Variants in PLK5 observed in about 807,000 individuals in gnomAD.
PLK5 encodes inactive serine/threonine-protein kinase PLK5.
PLK5 carries 28 observed loss-of-function variants against 33.7 expected under a neutral mutation model. The observed-to-expected ratio is 0.83, with a 90% confidence interval of 0.62 to 1.14. PLK5 has a LOEUF of 1.14. PLK5 is among the 50% of genes most tolerant of loss of function. The probability of loss-of-function intolerance (pLI) is 0.00; values close to 1 mark genes in which losing one functional copy is unlikely to be tolerated. For synonymous variants in PLK5, 225 were observed against 202.2 expected, an observed-to-expected ratio of 1.11 and a Z score of -0.96; for missense variants, 492 against 461.5, an observed-to-expected ratio of 1.07 and a Z score of -0.61.
In PLK5 at chr19:1,531,722, C is replaced by G; in HGVS notation, c.569-16C>G. ...ACCCCTGACCCCTGGCTCAGCATAC[C>G]TTTGTTTGTGCCCAGCCACACAGGA... On this transcript the variant is annotated splice_polypyrimidine_tract_variant and intron_variant, in intron 11 of 13. Transcript: ENST00000454744. The G allele has an allele frequency of 1.3e-6, 2 of 1,536,716 alleles. No homozygotes were observed. The highest frequency in any genetic ancestry group is 1.7e-6 in the Non-Finnish European group (2 of 1,147,234).
At position 1,533,917 on chromosome 19, in the gene PLK5, G is replaced by A. The variant is rs933526859; in HGVS notation, c.715-14G>A. On this transcript the variant is annotated splice_polypyrimidine_tract_variant and intron_variant, in intron 12 of 13. Coordinates refer to ENST00000454744, the MANE Select transcript of PLK5 (RefSeq NM_001243079.2). Reference sequence around the variant, plus strand: ...CCCCCTGCGTCACGTGACCTCAGCCGAGTCTGTCCACAGGAGGGGACCCTC... The same window carrying A: ...CCCCCTGCGTCACGTGACCTCAGCCAAGTCTGTCCACAGGAGGGGACCCTC... 10 of 1,526,310 alleles carry A rather than the reference G, an allele frequency of 6.6e-6. No homozygotes were observed. The highest frequency in any genetic ancestry group is 2.5e-5 in the East Asian group (1 of 40,804). The allele number at this position is 1,526,310 out of a possible 1,614,324, so 94.5% of individuals were successfully genotyped here.
chr19:1,529,567 TG>T, intron 10 of PLK5, 77 bp downstream of exon 10: 1 of 1,468,836 alleles, frequency 6.8e-7, no homozygotes, highest in Non-Finnish European at 9.2e-7. Flanking sequence ...ACCAAGGCCG[TG>T]GCTTACCAGG....
chr19:1,526,277 G>A (rs75680869), intron 3 of PLK5, among the ~76,000 whole-genome samples: 1,634 of 150,446 alleles, frequency 0.011, 41 homozygotes, highest in African/African-American at 0.038. Flanking sequence ...GGCCGGGGCC[G>A]GGCAGCTGTG....
rs114274812 is a variant in PLK5 at position 1,526,882 on chromosome 19, C to T, written c.-94-21C>T. The T allele has an allele frequency of 1.5e-3, 1,983 of 1,297,288 alleles. 21 individuals are homozygous for T. The African/African-American group carries it at 0.026, about 17-fold the overall frequency. The allele number at this position is 1,297,288 out of a possible 1,614,324, so 80.4% of individuals were successfully genotyped here. ...CACGGGGATCCCAGCCTTCCTGAGC[C>T]CCCCATGACGCCCTTCCTAGAGTAC... On this transcript the variant is annotated intron_variant, in intron 5 of 13. Coordinates refer to ENST00000454744, the MANE Select transcript of PLK5 (RefSeq NM_001243079.2).
chr19:1,528,160 T>TCCCTGGCGTGGGGC, intron 7 of PLK5, 26 bp downstream of exon 7: 1 of 1,522,836 alleles, frequency 6.6e-7, no homozygotes, highest in Non-Finnish European at 8.8e-7. Flanking sequence ...CGGCGTGGGG[T>TCCCTGGCGTGGGGC]CCCTGGCGTG....
intron 11 of PLK5, 48 bp from the exon 12 acceptor site, chr19:1,531,690 A>G (rs1008435560): frequency 2.5e-5 from 38 of 1,526,526 alleles, no homozygotes; most frequent in Non-Finnish European, 3.2e-5. Context: ...TGCCTACTAT[A>G]TGCCTGACCC....
At chr19:1,534,836 G>C (rs1040725011) in intron 13 of PLK5, among the ~76,000 whole-genome samples, 1 of 151,350 alleles carries the variant, frequency 6.6e-6, no homozygotes, top group East Asian at 1.9e-4. Context: ...AAAAGTCAGG[G>C]TCTTGCTGGA....
chr19:1,531,909 G>A, intron 12 of PLK5, 26 bp downstream of exon 12: 1 of 1,435,812 alleles, frequency 7.0e-7, no homozygotes, highest in Non-Finnish European at 9.1e-7. Flanking sequence ...CTGTGCCCTG[G>A]GGGACCAGGC....
rs758992985 is a variant in PLK5 at position 1,528,990 on chromosome 19, G to A, written c.405+16G>A. On this transcript the variant is annotated intron_variant, in intron 9 of 13. Transcript: ENST00000454744. ...GGACGGCGAGGTGAGACATCGGGGT[G>A]GGGGACACGGGGAGACACAGGTGGA... is the stretch of plus-strand genomic sequence containing the variant. 6.7e-7 allele frequency: 1 copy of A among 1,485,510 alleles called. No individual in the cohort carries two copies. The highest frequency in any genetic ancestry group is 8.9e-7 in the Non-Finnish European group (1 of 1,123,070). 92.0% of individuals were successfully genotyped at this position (1,485,510 alleles called of 1,614,324 possible). A position where few individuals can be genotyped will look rare whatever the true frequency, so the allele number is the denominator to read the frequency against.
Position 1,528,515 on chromosome 19 carries a change from TGCCCACAC to T in PLK5, c.328+88_328+95del. On this transcript the variant is annotated intron_variant, in intron 8 of 13. Transcript: ENST00000454744. ...CTCCCACCTGCCCACGCCTCCCACC[TGCCCACAC>T]CTCCCACCTGCCCACGCCTCCCACC... is the stretch of plus-strand genomic sequence containing the variant. The T allele has an allele frequency of 8.1e-6, 6 of 738,380 alleles. 2 individuals carry two copies. Among genetic ancestry groups the T allele is most frequent in the Admixed American group, 5.9e-5 (1 of 17,028 alleles). The allele number at this position is 738,380 out of a possible 1,614,324, so 45.7% of individuals were successfully genotyped here.
Position 1,533,690 on chromosome 19 carries a change from A to C in PLK5, c.715-241A>C, listed in dbSNP as rs1913998498. The C allele has an allele frequency of 8.4e-6, 5 of 592,342 alleles. No individual in the cohort carries two copies. The South Asian group carries it at 1.0e-4, about 12-fold the overall frequency. 36.7% of individuals were successfully genotyped at this position (592,342 alleles called of 1,614,324 possible). On this transcript the variant is annotated intron_variant, in intron 12 of 13. Transcript: ENST00000454744. ...GGGTGTCCACTGGCCTGGGCTGTCC[A>C]GGACAGAGGCCCTGTGTCCTGGCCC...
chr19:1,534,158 A>AGG lies in PLK5; in HGVS notation c.825+117_825+118insGG, dbSNP rs1568255393. ...TTAGGAAGCATTTGCCTCCCAGGAA[A>AGG]AAAAAAAAAAAAAAAGGTATTGGCT... On this transcript the variant is annotated intron_variant, in intron 13 of 13. Transcript: ENST00000454744. 7.5e-4 allele frequency: 338 copies of AGG among 448,716 alleles called. 2 individuals carry two copies. The highest frequency in any genetic ancestry group is 6.5e-3 in the African/African-American group (306 of 47,062). 27.8% of individuals were successfully genotyped at this position (448,716 alleles called of 1,614,324 possible). A position where few individuals can be genotyped will look rare whatever the true frequency, so the allele number is the denominator to read the frequency against.
At chr19:1,532,521 CT>C (rs10545181) in intron 12 of PLK5, among the ~76,000 whole-genome samples, 48,611 of 118,294 alleles carry the variant, frequency 0.41, 9,013 homozygotes, top group East Asian at 0.68. Flanking sequence ...AAATTTTCTT[CT>C]TTTTTTTTTT....
intron 6 of PLK5, 114 bp from the exon 7 acceptor site, chr19:1,527,822 A>G: frequency 9.3e-7 from 1 of 1,073,968 alleles, no homozygotes; most frequent in Non-Finnish European, 1.3e-6. Context: ...TTGGGAGATG[A>G]GGAAGCCGAT....
chr19:1,524,143 A>C lies in PLK5; in HGVS notation c.-647A>C, dbSNP rs1159358649. 1.3e-5 allele frequency: 2 copies of C among 150,538 alleles called. No homozygotes were observed. The highest frequency in any genetic ancestry group is 6.6e-5 in the Admixed American group (1 of 15,122). 9.3% of individuals were successfully genotyped at this position (150,538 alleles called of 1,614,324 possible). A position where few individuals can be genotyped will look rare whatever the true frequency, so the allele number is the denominator to read the frequency against. On this transcript the variant is annotated 5_prime_UTR_variant, in exon 1 of 14. Transcript: ENST00000454744. This position sits in a 1 kb window ranked among gnomAD's most constrained non-coding sequence, Gnocchi z 4.5. ...GGCTGCGCCAGAGTCCGCGCGATGG[A>C]GCCCCGGCCGCGGCGGCGGCGCAGG... is the stretch of plus-strand genomic sequence containing the variant.
At chr19:1,533,890 C>A (rs909269380) in intron 12 of PLK5, 41 bp from the exon 13 acceptor site, 1 of 1,447,436 alleles carries the variant, frequency 6.9e-7, no homozygotes, top group Non-Finnish European at 9.3e-7. Flanking sequence ...GGGGTGGGGA[C>A]GCCCCCTGCG....
chr19:1,530,304 T>C (rs979305465), intron 11 of PLK5, among the ~76,000 whole-genome samples: 1 of 151,204 alleles, frequency 6.6e-6, no homozygotes, highest in African/African-American at 2.4e-5. Context: ...CTTTTCTTTC[T>C]TTTTTTTTAA....
intron 8 of PLK5, among the ~76,000 whole-genome samples, chr19:1,528,629 C>T (rs1344074895): frequency 1.8e-5 from 1 of 54,948 alleles, no homozygotes; most frequent in South Asian, 7.2e-4. Flanking sequence ...CCCACGCCCC[C>T]CACCTGCCCA....
At chr19:1,529,302 A>G (rs1274450510) in intron 9 of PLK5, 104 bp from the exon 10 acceptor site, 2 of 1,020,666 alleles carry the variant, frequency 2.0e-6, no homozygotes, top group Non-Finnish European at 2.9e-6. Context: ...CTCTGTGTGC[A>G]GAGCACGGAG....
Sources: gnomAD v4.1 joint callset for allele counts (sites outside exome capture counted in the v4.1 genomes callset) on GRCh38, gnomAD v4.1.1 for gene constraint, Gnocchi (gnomAD v3.1) non-coding constraint, MANE v1.5 for transcripts, NCBI Gene and HGNC (gene_info 2026-07-23, HGNC 2026-07-21) for gene names.